The following LCORL variants were observed in gnomAD, a reference collection of about 807,000 sequenced individuals.
LCORL encodes the protein ligand dependent nuclear receptor corepressor like, also known as ligand-dependent nuclear receptor corepressor-like protein.
LCORL carries 41 observed loss-of-function variants against 141.8 expected under a neutral mutation model. The ratio of observed to expected loss-of-function variants is 0.29; its 90% confidence interval spans 0.23 to 0.38. The LOEUF is 0.38. Among genes scored for constraint, LCORL ranks in the 10% least tolerant of loss-of-function variants. The probability of loss-of-function intolerance (pLI) is 1.00; values close to 1 mark genes in which losing one functional copy is unlikely to be tolerated. For synonymous variants in LCORL, 618 were observed against 694.1 expected, an observed-to-expected ratio of 0.89 and a Z score of 1.72; for missense variants, 1,759 against 2,035.0, an observed-to-expected ratio of 0.86 and a Z score of 2.61.
At chr4:17,924,545 A>G (rs1423441747) in intron 4 of LCORL, among the ~76,000 whole-genome samples, 1 of 152,188 alleles carries the variant, frequency 6.6e-6, no homozygotes, top group East Asian at 1.9e-4. Context: ...CATCATGGAA[A>G]GGGCAACAGT....
rs181035220 is a variant in LCORL at position 17,933,822 on chromosome 4, T to G, written c.431-24477A>C. ...AAAGAACCCTTATGCTGGTATGGTA[T>G]AGTTTATTTAATTAGTGGTGCATTT... On this transcript the variant is annotated intron_variant, in intron 4 of 7. Coordinates refer to ENST00000635767, the Ensembl canonical transcript of LCORL. 2.3e-4 allele frequency among the ~76,000 whole-genome samples: 35 copies of G among 152,236 alleles called. 1 individual carries two copies. The highest frequency in any genetic ancestry group is 8.4e-4 in the African/African-American group (35 of 41,580).
intron 4 of LCORL, among the ~76,000 whole-genome samples, chr4:17,915,968 C>A (rs564870175): frequency 6.6e-6 from 1 of 152,318 alleles, no homozygotes; most frequent in South Asian, 2.1e-4. Flanking sequence ...CCCCCACAGA[C>A]TGTTCTTTTT....
intron 4 of LCORL, among the ~76,000 whole-genome samples, chr4:17,926,390 A>G (rs762967775): frequency 7.2e-5 from 11 of 152,206 alleles, no homozygotes; most frequent in Non-Finnish European, 1.3e-4. Context: ...AGTCTGGCTA[A>G]GTCTTCTCGC....
At chr4:17,962,085 G>T in intron 3 of LCORL, 53 bp from the exon 4 acceptor site, 1 of 1,326,046 alleles carries the variant, frequency 7.5e-7, no homozygotes, top group Non-Finnish European at 1.0e-6. Context: ...ATTCAAACAT[G>T]GAATTCCATT....
At chr4:17,895,164 C>G (rs1729721540) in intron 5 of LCORL, among the ~76,000 whole-genome samples, 1 of 151,984 alleles carries the variant, frequency 6.6e-6, no homozygotes, top group Non-Finnish European at 1.5e-5. Flanking sequence ...AAACACTTGT[C>G]TTTTTGGTGA....
intron 4 of LCORL, among the ~76,000 whole-genome samples, chr4:17,931,368 T>C (rs1007220914): frequency 4.6e-5 from 7 of 152,128 alleles, no homozygotes; most frequent in African/African-American, 1.7e-4. Context: ...TTGTTCTTTA[T>C]TCGGATTTAC....
At chr4:17,927,029 T>C (rs1238435408) in intron 4 of LCORL, among the ~76,000 whole-genome samples, 5 of 152,242 alleles carry the variant, frequency 3.3e-5, no homozygotes, top group African/African-American at 4.8e-5. Context: ...CAGAAGACTG[T>C]TTCATGTATT....
intron 1 of LCORL, among the ~76,000 whole-genome samples, chr4:17,988,626 C>G (rs919267602): frequency 1.4e-5 from 2 of 140,466 alleles, no homozygotes; most frequent in Admixed American, 1.4e-4. Flanking sequence ...AAAGGTCTAG[C>G]ACATTGTTTA....
chr4:17,889,324 C>T (rs1351140363), intron 5 of LCORL, among the ~76,000 whole-genome samples: 1 of 151,984 alleles, frequency 6.6e-6, no homozygotes, highest in Non-Finnish European at 1.5e-5. Context: ...AGCCCTTTCT[C>T]CACATCTAGG....
chr4:17,847,994 G>T (rs1402565404), intron 7 of LCORL, among the ~76,000 whole-genome samples: 3 of 152,120 alleles, frequency 2.0e-5, no homozygotes, highest in Non-Finnish European at 4.4e-5. Context: ...TGTTTTGTTT[G>T]CTATTTGACT....
chr4:17,894,607 G>A (rs1397942552), intron 5 of LCORL, among the ~76,000 whole-genome samples: 1 of 151,354 alleles, frequency 6.6e-6, no homozygotes, highest in Non-Finnish European at 1.5e-5. Flanking sequence ...TTAATGTCCA[G>A]CTTAATAGAA....
At chr4:17,982,499 G>C (rs1020218361) in intron 1 of LCORL, among the ~76,000 whole-genome samples, 1 of 101,016 alleles carries the variant, frequency 9.9e-6, no homozygotes, top group South Asian at 5.0e-4. Flanking sequence ...TCTCACTGTG[G>C]TTTGATTTGC....
intron 7 of LCORL, among the ~76,000 whole-genome samples, chr4:17,847,481 C>T (rs1257591592): frequency 6.6e-6 from 1 of 152,162 alleles, no homozygotes; most frequent in Non-Finnish European, 1.5e-5. Flanking sequence ...CCCAGTCCCA[C>T]AGAATACAGT....
intron 5 of LCORL, among the ~76,000 whole-genome samples, chr4:17,903,444 T>C (rs1425812794): frequency 6.6e-6 from 1 of 152,046 alleles, no homozygotes; most frequent in Non-Finnish European, 1.5e-5. Context: ...AATTTCTTCT[T>C]GTACATTGGA....
chr4:18,013,045 T>C (rs1221602143), intron 1 of LCORL, among the ~76,000 whole-genome samples: 1 of 152,212 alleles, frequency 6.6e-6, no homozygotes, highest in East Asian at 1.9e-4. Context: ...TCTCCCTCAC[T>C]ACTGAAATTT....
At chr4:17,908,321 C>T (rs950003117) in intron 5 of LCORL, among the ~76,000 whole-genome samples, 3 of 152,134 alleles carry the variant, frequency 2.0e-5, no homozygotes, top group Non-Finnish European at 4.4e-5. Flanking sequence ...CGTGAGCCAG[C>T]GCGCCTGGCC....
intron 4 of LCORL, among the ~76,000 whole-genome samples, chr4:17,924,350 G>A (rs1384412504): frequency 2.6e-5 from 4 of 152,158 alleles, no homozygotes; most frequent in Admixed American, 1.3e-4. Context: ...ATGGTGGCAG[G>A]GATGGAGGTT....
At chr4:17,946,693 C>T (rs1056619736) in intron 4 of LCORL, among the ~76,000 whole-genome samples, 11 of 151,858 alleles carry the variant, frequency 7.2e-5, no homozygotes, top group Non-Finnish European at 1.5e-4. Flanking sequence ...CAAAATTATC[C>T]TTAAAAATCC....
Position 17,944,190 on chromosome 4 carries a change from T to C in LCORL, c.430+17713A>G, listed in dbSNP as rs1012720120. On this transcript the variant is annotated intron_variant, in intron 4 of 7. Transcript: ENST00000635767. Reference sequence around the variant, plus strand: ...TTTCCCTATTACATTCTTTAGCAGATACATAGTCTTTTTAAGTAGGCTCAT... The same window carrying C: ...TTTCCCTATTACATTCTTTAGCAGACACATAGTCTTTTTAAGTAGGCTCAT... 2.6e-5 allele frequency among the ~76,000 whole-genome samples: 4 copies of C among 152,188 alleles called. 1 individual carries two copies. Among genetic ancestry groups the C allele is most frequent in the Non-Finnish European group, 4.4e-5 (3 of 68,016 alleles).
Sources: allele counts gnomAD v4.1 joint callset (sites outside exome capture counted in the v4.1 genomes callset), GRCh38; gene constraint gnomAD v4.1.1; transcripts MANE v1.5; gene names NCBI Gene and HGNC (gene_info 2026-07-23, HGNC 2026-07-21).